Variants in ZNF569 observed in about 807,000 individuals in gnomAD.
ZNF569 encodes the protein zinc finger protein 569.
Under a neutral mutation model 56.3 loss-of-function variants are expected in ZNF569, and 38 were observed. The ratio of observed to expected loss-of-function variants is 0.68; its 90% CI spans 0.52 to 0.88. The LOEUF (loss-of-function observed/expected upper bound fraction) is 0.88, where lower values mean the gene tolerates loss of function less well. Among genes scored for constraint, ZNF569 ranks in the 40% least tolerant of loss-of-function variants. ZNF569 has a pLI of 0.00. For missense variants in ZNF569, 666 were observed against 809.2 expected (o/e 0.82, Z 2.15); for synonymous variants, 241 against 262.9 (o/e 0.92, Z 0.81).
chr19:37,463,505 A>T (rs1353703511), intron 2 of ZNF569, among the ~76,000 whole-genome samples: 1 of 152,242 alleles, frequency 6.6e-6, no homozygotes, highest in African/African-American at 2.4e-5. Flanking sequence ...ATTTGATAAT[A>T]TTATTGATTA....
chr19:37,421,921 T>C (rs892009677), intron 5 of ZNF569, among the ~76,000 whole-genome samples: 1 of 108,854 alleles, frequency 9.2e-6, no homozygotes, highest in African/African-American at 3.1e-5. Flanking sequence ...GGCTAATTTC[T>C]GTATTTTTAG....
chr19:37,447,773 T>C (rs2041522758), intron 2 of ZNF569, among the ~76,000 whole-genome samples: 1 of 152,220 alleles, frequency 6.6e-6, no homozygotes, highest in Admixed American at 6.5e-5. Flanking sequence ...TCCCTTCAAT[T>C]CCTAGTTTGC....
Position 37,426,308 on chromosome 19 carries a change from T to C in ZNF569, c.86A>G (p.Gln29Arg). 1 of 1,613,980 alleles carries C rather than the reference T, an allele frequency of 6.2e-7. No individual in the cohort carries two copies. The highest frequency in any genetic ancestry group is 8.5e-7 in the Non-Finnish European group (1 of 1,179,928). Reference sequence around the variant, plus strand: ...CATCACATTCCGGTACAGTTTTCTCTGAGCAGGATCCAATCTCTTCCACTC... The same window carrying C: ...CATCACATTCCGGTACAGTTTTCTCCGAGCAGGATCCAATCTCTTCCACTC... ...QEEWKRLDPA[Q>R]RKLYRNVMLE... Residue 29 changes from glutamine (Q) to arginine (R), a missense_variant, in exon 4 of 6, where the codon CAG becomes CGG. By Grantham distance (43) the Gln-to-Arg change is conservative. Coordinates refer to ENST00000316950, the MANE Select transcript of ZNF569 (RefSeq NM_152484.3).
intron 5 of ZNF569, among the ~76,000 whole-genome samples, chr19:37,416,587 T>A (rs1331838696): frequency 2.6e-5 from 4 of 152,204 alleles, no homozygotes; most frequent in Non-Finnish European, 5.9e-5. Context: ...TTACTTATAA[T>A]ACTGAATACA....
rs372120072 is a variant in ZNF569, at chr19:37,466,798, GT to G, written c.-205+285del. The G allele has an allele frequency of 1.4e-4, 22 of 152,380 alleles. No individual in the cohort carries two copies. In the East Asian group the frequency reaches 3.5e-3, roughly 24 times the overall value. The allele number at this position is 152,380 out of a possible 1,614,324, so 9.4% of individuals were successfully genotyped here. On this transcript the variant is annotated intron_variant, in intron 1 of 5. Coordinates refer to ENST00000316950, the MANE Select transcript of ZNF569 (RefSeq NM_152484.3). ...CACTGTCATGCACGTTTGCACGCAG[GT>G]TCATACTGAAAGATAAAAGGGAAAG...
intron 2 of ZNF569, among the ~76,000 whole-genome samples, chr19:37,447,650 A>G (rs2041520252): frequency 6.6e-6 from 1 of 152,192 alleles, no homozygotes; most frequent in Admixed American, 6.5e-5. Context: ...TAATAGTAGT[A>G]AGAGAGGACA....
intron 3 of ZNF569, 120 bp from the exon 4 acceptor site, chr19:37,426,498 A>C: frequency 9.1e-7 from 1 of 1,096,324 alleles, no homozygotes; most frequent in Non-Finnish European, 1.2e-6. Context: ...TCATATTAGC[A>C]GCATCCTGTC....
At chr19:37,466,314 G>C (rs1286111987) in intron 1 of ZNF569, among the ~76,000 whole-genome samples, 4 of 152,126 alleles carry the variant, frequency 2.6e-5, no homozygotes, top group Admixed American at 2.6e-4. Context: ...TAAAGTGTTG[G>C]GGATATCGAT....
intron 3 of ZNF569, among the ~76,000 whole-genome samples, chr19:37,443,169 A>T (rs2041435723): frequency 6.6e-6 from 1 of 152,212 alleles, no homozygotes; most frequent in African/African-American, 2.4e-5. Flanking sequence ...CAACAGGGTG[A>T]AACCCTGTCT....
intron 2 of ZNF569, among the ~76,000 whole-genome samples, chr19:37,447,703 C>G: frequency 6.6e-6 from 1 of 152,170 alleles, no homozygotes; most frequent in East Asian, 1.9e-4. Context: ...CATTCAGTAT[C>G]TCACCATTAA....
intron 2 of ZNF569, 81 bp from the exon 3 acceptor site, chr19:37,445,045 A>G (rs1239472667): frequency 9.6e-7 from 1 of 1,041,514 alleles, no homozygotes; most frequent in Non-Finnish European, 1.4e-6. Context: ...ATTAAAGGTC[A>G]CCCTGTAGTG....
At chr19:37,419,086 T>C (rs60155022) in intron 5 of ZNF569, among the ~76,000 whole-genome samples, 2,595 of 152,314 alleles carry the variant, frequency 0.017, 69 homozygotes, top group African/African-American at 0.059. Context: ...TTCTTGGCCA[T>C]ATTTATGTCT....
upstream of ZNF569, chr19:37,469,056 C>T: frequency 1.0e-6 from 1 of 996,758 alleles, no homozygotes; most frequent in Non-Finnish European, 1.2e-6. Flanking sequence ...GCGCTTGTGC[C>T]TGCGCACTTC....
chr19:37,425,749 A>T (rs2041120439), intron 5 of ZNF569, 119 bp downstream of exon 5: 1 of 855,486 alleles, frequency 1.2e-6, no homozygotes, highest in Admixed American at 2.1e-5. Flanking sequence ...ATAGGTATGA[A>T]CCACTGTGCC....
upstream of ZNF569, chr19:37,467,838 G>T: frequency 6.5e-7 from 1 of 1,531,158 alleles, no homozygotes; most frequent in Non-Finnish European, 8.8e-7. Flanking sequence ...CCATGGTCGC[G>T]TTTTATATTC....
chr19:37,431,814 A>G (rs1296414278), intron 3 of ZNF569, among the ~76,000 whole-genome samples: 1 of 151,706 alleles, frequency 6.6e-6, no homozygotes, highest in Non-Finnish European at 1.5e-5. Context: ...CTGAAGGGAG[A>G]ATCCCAGGCC....
At chr19:37,437,794 A>G (rs1352101170) in intron 3 of ZNF569, among the ~76,000 whole-genome samples, 2 of 152,196 alleles carry the variant, frequency 1.3e-5, no homozygotes, top group Non-Finnish European at 2.9e-5. Context: ...GAAAATTATA[A>G]AGCACTGATG....
chr19:37,432,202 G>C (rs1405321583), intron 3 of ZNF569, among the ~76,000 whole-genome samples: 3 of 152,048 alleles, frequency 2.0e-5, no homozygotes, highest in African/African-American at 7.2e-5. Flanking sequence ...CCAGGCAGTG[G>C]TTACTGTGGG....
rs1600282643 is a variant in ZNF569, at chr19:37,412,507, G to A, written c.*90C>T. 7.0e-7 allele frequency: 1 copy of A among 1,430,170 alleles called. No individual in the cohort carries two copies. Among genetic ancestry groups the A allele is most frequent in the East Asian group, 2.4e-5 (1 of 41,142 alleles). 88.6% of individuals were successfully genotyped at this position (1,430,170 alleles called of 1,614,324 possible). A position where few individuals can be genotyped will look rare whatever the true frequency, so the allele number is the denominator to read the frequency against. On this transcript the variant is annotated 3_prime_UTR_variant, in exon 6 of 6. Coordinates refer to ENST00000316950, the MANE Select transcript of ZNF569 (RefSeq NM_152484.3). ...TTCAGAAGGCTATCCCACATTCATA[G>A]TTTTCTACTCTGGAAGTGATCATGT...
Sources: gnomAD v4.1 joint callset for allele counts (sites outside exome capture counted in the v4.1 genomes callset) on GRCh38, gnomAD v4.1.1 for gene constraint, MANE v1.5 for transcripts, NCBI Gene and HGNC (gene_info 2026-07-23, HGNC 2026-07-21) for gene names.